Variants in RALGPS1 observed in about 807,000 individuals in gnomAD.
RALGPS1 encodes the protein ras-specific guanine nucleotide-releasing factor RalGPS1.
In RALGPS1, 19 loss-of-function variants were observed where a neutral mutation model predicts 78.8. That is an observed-to-expected ratio of 0.24 (90% CI 0.17 to 0.35). RALGPS1 has a LOEUF of 0.35. Ranked by LOEUF, RALGPS1 falls within the 10% of genes least tolerant of loss-of-function variation. The pLI is 1.00. For synonymous variants in RALGPS1, 228 were observed against 256.3 expected (o/e 0.89, Z 1.06); for missense variants, 454 against 688.3 (o/e 0.66, Z 3.81).
In RALGPS1 at chr9:127,205,496, T is replaced by C. The variant is rs952324235; in HGVS notation, c.1247+6430T>C. ...CCCCTGGCCTCTAGGTGCCAGGGCTTTTTGCTTGACTCTGTTTTCGAGCCC... is the reference window on the plus strand; with the variant it reads ...CCCCTGGCCTCTAGGTGCCAGGGCTCTTTGCTTGACTCTGTTTTCGAGCCC... On this transcript the variant is annotated intron_variant, in intron 14 of 18. Coordinates refer to ENST00000259351, the MANE Select transcript of RALGPS1 (RefSeq NM_014636.3). This position sits in a 1 kb window ranked among gnomAD's most constrained non-coding sequence, Gnocchi z 4.0. Among the ~76,000 whole-genome samples the C allele has an allele frequency of 6.6e-6, 1 of 152,190 alleles. No homozygotes were observed. Among genetic ancestry groups the C allele is most frequent in the African/African-American group, 2.4e-5 (1 of 41,440 alleles).
chr9:126,972,524 A>G (rs1441177351), intron 3 of RALGPS1, among the ~76,000 whole-genome samples: 1 of 152,216 alleles, frequency 6.6e-6, no homozygotes, highest in Non-Finnish European at 1.5e-5. Flanking sequence ...CTAACATTAC[A>G]AAAGGAGAGC....
rs1242115719 is a variant in RALGPS1, at chr9:126,988,270, G to A, written c.216+10525G>A. Among the ~76,000 whole-genome samples the A allele has an allele frequency of 3.9e-5, 6 of 152,308 alleles. No homozygotes were observed. In the East Asian group the frequency reaches 5.8e-4, roughly 15 times the overall value. On this transcript the variant is annotated intron_variant, in intron 4 of 18. Coordinates refer to ENST00000259351, the MANE Select transcript of RALGPS1 (RefSeq NM_014636.3). ...TGGCATCTTTGAGGAGCATGGACACGTGTCAAGAGAGCCAGGTTGGGCCAG... is the reference window on the plus strand; with the variant it reads ...TGGCATCTTTGAGGAGCATGGACACATGTCAAGAGAGCCAGGTTGGGCCAG...
Position 127,220,947 on chromosome 9 carries a change from A to G in RALGPS1, c.*2178A>G, listed in dbSNP as rs2062756211. ...TAGCCTAATTTGAAATAGCACAATC[A>G]CAATTCAAAATGTTTAGTCTTCTCA... On this transcript the variant is annotated 3_prime_UTR_variant, in exon 19 of 19. Coordinates refer to ENST00000259351, the MANE Select transcript of RALGPS1 (RefSeq NM_014636.3). 1.3e-5 allele frequency: 2 copies of G among 152,644 alleles called. No homozygotes were observed. Among genetic ancestry groups the G allele is most frequent in the South Asian group, 4.1e-4 (2 of 4,824 alleles). 9.5% of individuals were successfully genotyped at this position (152,644 alleles called of 1,614,324 possible).
At chr9:127,053,321 C>A (rs1190690329) in intron 7 of RALGPS1, among the ~76,000 whole-genome samples, 1 of 152,198 alleles carries the variant, frequency 6.6e-6, no homozygotes, top group East Asian at 1.9e-4. Context: ...CCCTGGGTCA[C>A]TAGCCATACC....
intron 4 of RALGPS1, chr9:126,989,996 G>T: frequency 6.4e-7 from 1 of 1,550,436 alleles, no homozygotes; most frequent in Non-Finnish European, 8.7e-7. Flanking sequence ...GTGGGTCCAG[G>T]AACCTGACCC....
intron 12 of RALGPS1, among the ~76,000 whole-genome samples, chr9:127,196,058 G>A (rs2061333262): frequency 6.6e-6 from 1 of 152,220 alleles, no homozygotes; most frequent in African/African-American, 2.4e-5. Flanking sequence ...CGAGTCTAAT[G>A]AGGTTCAACA....
At chr9:126,978,469 G>A (rs960981871) in intron 4 of RALGPS1, among the ~76,000 whole-genome samples, 2 of 151,726 alleles carry the variant, frequency 1.3e-5, no homozygotes, top group Non-Finnish European at 2.9e-5. Context: ...GTGAGATCAG[G>A]TAAACAAAAA....
chr9:127,144,644 G>A (rs926652274), intron 8 of RALGPS1, among the ~76,000 whole-genome samples: 1 of 152,212 alleles, frequency 6.6e-6, no homozygotes, highest in Non-Finnish European at 1.5e-5. Flanking sequence ...AGTAGTATAT[G>A]CATACAGTGG....
chr9:126,955,171 CT>C (rs1415049391), intron 1 of RALGPS1, among the ~76,000 whole-genome samples: 2 of 152,220 alleles, frequency 1.3e-5, no homozygotes, highest in African/African-American at 4.8e-5. Flanking sequence ...TTATCAGTAT[CT>C]TAAGTTACCT....
At position 126,914,925 on chromosome 9, in the gene RALGPS1, C is replaced by T. The variant is rs906103933; in HGVS notation, c.-116C>T. The T allele has an allele frequency of 1.1e-4, 17 of 151,556 alleles. No individual in the cohort carries two copies. Among genetic ancestry groups the T allele is most frequent in the African/African-American group, 4.1e-4 (17 of 41,348 alleles). The allele number at this position is 151,556 out of a possible 1,614,324, so 9.4% of individuals were successfully genotyped here. On this transcript the variant is annotated 5_prime_UTR_variant, in exon 1 of 19. Transcript: ENST00000259351. The stretch of plus-strand genomic sequence containing the variant: ...AGCGAAGGCGCCGCTGCCGCTGGGC[C>T]GCTCCCAGGGCCATGAGGAAGCGGC...
At chr9:126,969,614 CT>C in intron 3 of RALGPS1, among the ~76,000 whole-genome samples, 1 of 152,298 alleles carries the variant, frequency 6.6e-6, no homozygotes, top group South Asian at 2.1e-4. Flanking sequence ...TTTACTTGTA[CT>C]TTTAAGAGTC....
chr9:127,104,381 G>A (rs928138496), intron 8 of RALGPS1, among the ~76,000 whole-genome samples: 1 of 152,228 alleles, frequency 6.6e-6, no homozygotes, highest in African/African-American at 2.4e-5. Context: ...CAGAACCCAG[G>A]TGCCTGCTCT....
Position 127,091,674 on chromosome 9 carries a change from G to A in RALGPS1, c.610+22318G>A. The A allele has an allele frequency of 6.2e-7, 1 of 1,613,524 alleles. No homozygotes were observed. Among genetic ancestry groups the A allele is most frequent in the Non-Finnish European group, 8.5e-7 (1 of 1,179,916 alleles). ...GTTTGACTCCACTTTTCCTACCTGT[G>A]TAGACATCATGATCTCTGTCCAGGG... On this transcript the variant is annotated intron_variant, in intron 8 of 18. Coordinates refer to ENST00000259351, the MANE Select transcript of RALGPS1 (RefSeq NM_014636.3). The surrounding 1 kb of genome is among the most constrained non-coding windows in gnomAD (Gnocchi z 4.3).
At chr9:126,954,108 G>A (rs2038121224) in intron 1 of RALGPS1, among the ~76,000 whole-genome samples, 1 of 152,086 alleles carries the variant, frequency 6.6e-6, no homozygotes. Flanking sequence ...TGTCTTCTTT[G>A]ACCCCCAAAG....
intron 8 of RALGPS1, among the ~76,000 whole-genome samples, chr9:127,117,179 C>T (rs1048321665): frequency 6.6e-6 from 1 of 152,234 alleles, no homozygotes; most frequent in Non-Finnish European, 1.5e-5. Flanking sequence ...TTGACCTCAC[C>T]ATGAAGCCAT....
At chr9:127,003,805 A>G (rs1054278556) in intron 4 of RALGPS1, among the ~76,000 whole-genome samples, 6 of 151,978 alleles carry the variant, frequency 3.9e-5, no homozygotes, top group African/African-American at 1.5e-4. Flanking sequence ...TGCTGCACCT[A>G]TCAGCCCATC....
chr9:127,152,498 T>C (rs748297729), intron 8 of RALGPS1, among the ~76,000 whole-genome samples: 3 of 152,208 alleles, frequency 2.0e-5, no homozygotes, highest in Non-Finnish European at 4.4e-5. Context: ...CAGCTCCTAC[T>C]GGGCAGTGAG....
chr9:127,113,647 A>G (rs2055092673), intron 8 of RALGPS1, among the ~76,000 whole-genome samples: 1 of 152,178 alleles, frequency 6.6e-6, no homozygotes, highest in Non-Finnish European at 1.5e-5. Flanking sequence ...TAAAATAAAA[A>G]CGATTCTTAA....
intron 1 of RALGPS1, among the ~76,000 whole-genome samples, chr9:126,942,712 G>C (rs2036899504): frequency 6.6e-6 from 1 of 152,098 alleles, no homozygotes; most frequent in Non-Finnish European, 1.5e-5. Context: ...TCAATTTGTT[G>C]AGTTCCAAAA....
Sources: allele counts gnomAD v4.1 joint callset (sites outside exome capture counted in the v4.1 genomes callset), GRCh38; gene constraint gnomAD v4.1.1; non-coding constraint Gnocchi (gnomAD v3.1); transcripts MANE v1.5; gene names NCBI Gene and HGNC (gene_info 2026-07-23, HGNC 2026-07-21).